Variants in HIVEP3 observed in about 807,000 individuals in gnomAD.
HIVEP3 encodes the protein transcription factor HIVEP3.
HIVEP3 carries 49 observed loss-of-function variants against 152.8 expected under a neutral mutation model. The observed-to-expected ratio is 0.32, with a 90% CI of 0.26 to 0.41. The LOEUF is 0.41. Ranked by LOEUF, HIVEP3 falls within the 10% of genes least tolerant of loss-of-function variation. The pLI is 1.00. For missense variants in HIVEP3, 2,790 were observed against 3,103.3 expected, an observed-to-expected ratio of 0.90 and a Z score of 2.40; for synonymous variants, 1,269 against 1,289.0, an observed-to-expected ratio of 0.98 and a Z score of 0.33.
chr1:41,600,435 C>T (rs1644729457), intron 3 of HIVEP3, among the ~76,000 whole-genome samples: 1 of 152,114 alleles, frequency 6.6e-6, no homozygotes, highest in African/African-American at 2.4e-5. Context: ...TGACATTATG[C>T]TAAGTAAGAT....
intron 1 of HIVEP3, among the ~76,000 whole-genome samples, chr1:41,899,702 T>C (rs902991190): frequency 3.9e-5 from 6 of 152,234 alleles, no homozygotes; most frequent in African/African-American, 1.4e-4. Context: ...ATAAGCATTA[T>C]AGAGTCTAAT....
intron 1 of HIVEP3, among the ~76,000 whole-genome samples, chr1:41,991,608 A>G (rs1645361961): frequency 6.6e-6 from 1 of 150,898 alleles, no homozygotes; most frequent in South Asian, 2.1e-4. Flanking sequence ...AAACTATTCC[A>G]ATCAATAGAA....
At chr1:41,684,342 G>C (rs1646084314) in intron 2 of HIVEP3, among the ~76,000 whole-genome samples, 2 of 152,220 alleles carry the variant, frequency 1.3e-5, no homozygotes, top group African/African-American at 4.8e-5. Context: ...TGGTGCCAGT[G>C]ACCTTCCAGC....
chr1:41,991,323 C>T (rs1382405551), intron 1 of HIVEP3, among the ~76,000 whole-genome samples: 11 of 150,786 alleles, frequency 7.3e-5, no homozygotes, highest in African/African-American at 2.7e-4. Context: ...GATATCACCA[C>T]TGATCCCACA....
At chr1:41,780,104 T>A (rs908065812) in intron 1 of HIVEP3, among the ~76,000 whole-genome samples, 4 of 152,104 alleles carry the variant, frequency 2.6e-5, no homozygotes, top group African/African-American at 9.7e-5. Context: ...AGGTTGCAGA[T>A]CAATGATCAG....
intron 1 of HIVEP3, among the ~76,000 whole-genome samples, chr1:41,826,765 A>T (rs754031855): frequency 5.3e-5 from 8 of 152,150 alleles, no homozygotes; most frequent in Non-Finnish European, 8.8e-5. Context: ...TTCATTCTAT[A>T]ATGAACCTGT....
At chr1:42,003,401 A>G (rs989347187) in intron 1 of HIVEP3, among the ~76,000 whole-genome samples, 2 of 152,182 alleles carry the variant, frequency 1.3e-5, no homozygotes, top group African/African-American at 4.8e-5. Flanking sequence ...CTCAAAAACA[A>G]TATCATACAA....
intron 3 of HIVEP3, among the ~76,000 whole-genome samples, chr1:41,586,427 A>G (rs1474940843): frequency 6.6e-6 from 1 of 152,172 alleles, no homozygotes; most frequent in Admixed American, 6.5e-5. Flanking sequence ...ACCTGGACCC[A>G]GGCCTCCCAT....
At chr1:41,863,037 T>A (rs1214703584) in intron 1 of HIVEP3, among the ~76,000 whole-genome samples, 9 of 152,190 alleles carry the variant, frequency 5.9e-5, no homozygotes, top group African/African-American at 2.2e-4. Context: ...AATGCACACC[T>A]CCTCCAGTTC....
In HIVEP3 at chr1:41,582,004, G is replaced by A; in HGVS notation, c.2794C>T (p.Pro932Ser). The A allele has an allele frequency of 6.2e-7, 1 of 1,614,180 alleles. No individual in the cohort carries two copies. Among genetic ancestry groups the A allele is most frequent in the Non-Finnish European group, 8.5e-7 (1 of 1,180,032 alleles). The change falls in exon 4 of 9, where the codon CCG becomes TCG. Residue 932 changes from proline to serine, a missense_variant. Around this residue, in one of 9 missense-constraint regions of HIVEP3, gnomAD observed 1,078 missense variants for 1,165.3 expected, o/e 0.93. Transcript: ENST00000372583. The surrounding 1 kb of genome is among the most constrained non-coding windows in gnomAD (Gnocchi z 4.7). ...AAAGAGACATTGCTTTCCTGGCTCG[G>A]GCTGCGAGACAGAGGCACAGAGGAC... The part of the protein sequence containing the change: ...FESSVPLSRS[P>S]SQESNVSLSG...
intron 2 of HIVEP3, among the ~76,000 whole-genome samples, chr1:41,699,215 T>C (rs1379229806): frequency 6.6e-6 from 1 of 152,216 alleles, no homozygotes; most frequent in African/African-American, 2.4e-5. Flanking sequence ...CGTTTGACTC[T>C]GGCACCGCTG....
intron 1 of HIVEP3, among the ~76,000 whole-genome samples, chr1:41,941,245 G>C (rs998191477): frequency 2.6e-5 from 4 of 152,182 alleles, no homozygotes; most frequent in African/African-American, 9.7e-5. Context: ...TCAAGGAAGA[G>C]GTGGTTTTTA....
intron 1 of HIVEP3, among the ~76,000 whole-genome samples, chr1:41,939,032 C>T (rs966368643): frequency 6.6e-6 from 1 of 152,176 alleles, no homozygotes; most frequent in African/African-American, 2.4e-5. Flanking sequence ...CCTCAGCTTA[C>T]CTTATACCTC....
intron 3 of HIVEP3, among the ~76,000 whole-genome samples, chr1:41,618,966 C>T (rs1308830104): frequency 6.6e-6 from 1 of 152,256 alleles, no homozygotes; most frequent in Admixed American, 6.5e-5. Flanking sequence ...CTATCACCTC[C>T]TGATCTGTCA....
intron 5 of HIVEP3, among the ~76,000 whole-genome samples, chr1:41,571,084 C>T (rs1644245685): frequency 6.6e-6 from 1 of 152,054 alleles, no homozygotes; most frequent in Admixed American, 6.5e-5. Flanking sequence ...ATAGGAGGTG[C>T]AGCAGCTGAG....
At chr1:41,782,073 C>T (rs1007899899) in intron 1 of HIVEP3, among the ~76,000 whole-genome samples, 11 of 152,226 alleles carry the variant, frequency 7.2e-5, no homozygotes, top group African/African-American at 1.7e-4. Flanking sequence ...ATGGATGAAT[C>T]GTTCAACCAA....
chr1:41,771,396 G>C (rs1337412919), intron 1 of HIVEP3, among the ~76,000 whole-genome samples: 1 of 152,026 alleles, frequency 6.6e-6, no homozygotes, highest in African/African-American at 2.4e-5. Context: ...ATAATAATAG[G>C]AGAAAAGAAG....
intron 5 of HIVEP3, 74 bp downstream of exon 5, chr1:41,575,470 C>A: frequency 6.6e-7 from 1 of 1,519,828 alleles, no homozygotes; most frequent in African/African-American, 1.4e-5. Context: ...TGAGCCACTG[C>A]TGCCCGTGAA....
intron 1 of HIVEP3, chr1:41,847,829 G>A (rs1168352682): frequency 6.5e-6 from 1 of 152,720 alleles, no homozygotes; most frequent in Non-Finnish European, 1.5e-5. Context: ...ACCAGGAGGG[G>A]ACAGAGTCAC....
Sources: allele counts gnomAD v4.1 joint callset (sites outside exome capture counted in the v4.1 genomes callset), GRCh38; gene constraint gnomAD v4.1.1; regional missense constraint gnomAD v4.1.1; non-coding constraint Gnocchi (gnomAD v3.1); transcripts MANE v1.5; gene names NCBI Gene and HGNC (gene_info 2026-07-23, HGNC 2026-07-21).